The following DMRT3 variants were observed in gnomAD, a reference collection of about 807,000 sequenced individuals.
DMRT3 encodes the protein doublesex- and mab-3-related transcription factor 3.
Under a neutral mutation model 34.9 loss-of-function variants are expected in DMRT3, and 29 were observed. The ratio of observed to expected loss-of-function variants is 0.83; its 90% CI spans 0.62 to 1.13. DMRT3 has a LOEUF of 1.13. DMRT3 is among the 50% of genes most tolerant of loss of function. DMRT3 has a pLI of 0.00. For missense variants in DMRT3, 772 were observed against 629.1 expected (o/e 1.23, Z -2.43); for synonymous variants, 350 against 286.0 (o/e 1.22, Z -2.26).
In DMRT3 at chr9:990,740, TG is replaced by T. The variant is rs1820351229; in HGVS notation, c.1155del (p.Leu385PhefsTer11). 2 of 1,614,050 alleles carry T rather than the reference TG, an allele frequency of 1.2e-6. No individual in the cohort carries two copies. The highest frequency in any genetic ancestry group is 1.3e-5 in the African/African-American group (1 of 74,912). On this transcript the variant is annotated frameshift_variant, in exon 2 of 2. Coordinates refer to ENST00000190165, the MANE Select transcript of DMRT3 (RefSeq NM_021240.4). LOFTEE classifies it high-confidence loss of function. ...TLARSQSSPF[L>X]PNDVTLWNTM... is the part of the protein sequence containing the mutation. ...GCGAGAAGCCAGTCGAGCCCCTTTTTGCCCAATGATGTCACCCTGTGGAACA... is the reference window on the plus strand; with the variant it reads ...GCGAGAAGCCAGTCGAGCCCCTTTTTCCCAATGATGTCACCCTGTGGAACA...
Position 977,425 on chromosome 9 carries a change from G to T in DMRT3, c.424G>T (p.Gly142Trp). ...ALRWTAEPQP[G>W]ALQAQLAKPD... ...GCGTTGGACTGCCGAGCCGCAGCCC[G>T]GGGCTCTGCAGGCGCAGCTCGCCAA... Residue 142 changes from glycine to tryptophan, a missense_variant, in exon 1 of 2, where the codon GGG becomes TGG. Coordinates refer to ENST00000190165, the MANE Select transcript of DMRT3 (RefSeq NM_021240.4). 1.6e-6 allele frequency: 2 copies of T among 1,273,300 alleles called. No individual in the cohort carries two copies. The highest frequency in any genetic ancestry group is 2.9e-5 in the East Asian group (1 of 34,570). 78.9% of individuals were successfully genotyped at this position (1,273,300 alleles called of 1,614,324 possible). A position where few individuals can be genotyped will look rare whatever the true frequency, so the allele number is the denominator to read the frequency against.
intron 1 of DMRT3, among the ~76,000 whole-genome samples, chr9:984,817 C>G (rs1019358750): frequency 7.9e-5 from 12 of 152,032 alleles, no homozygotes; most frequent in African/African-American, 2.9e-4. Flanking sequence ...GGTAGACTTT[C>G]TCAAAGTATT....
intron 1 of DMRT3, among the ~76,000 whole-genome samples, chr9:981,598 A>T (rs1032119380): frequency 3.9e-5 from 6 of 152,150 alleles, no homozygotes; most frequent in Non-Finnish European, 1.5e-5. Context: ...GCTGCTGGGG[A>T]CCGGTCTTCC....
chr9:989,279 C>T (rs568479609), intron 1 of DMRT3, among the ~76,000 whole-genome samples: 22 of 152,334 alleles, frequency 1.4e-4, no homozygotes, highest in South Asian at 8.3e-4. Context: ...ATAATGCCCC[C>T]GTGCAATTTA....
At chr9:981,897 A>G (rs1820225582) in intron 1 of DMRT3, among the ~76,000 whole-genome samples, 1 of 152,122 alleles carries the variant, frequency 6.6e-6, no homozygotes, top group Non-Finnish European at 1.5e-5. Context: ...AGAGACAGCC[A>G]CATCCCTTGC....
chr9:977,239 A>C lies in DMRT3; in HGVS notation c.238A>C (p.Asn80His), dbSNP rs780611861. The C allele has an allele frequency of 4.4e-6, 7 of 1,598,658 alleles. No homozygotes were observed. Among genetic ancestry groups the C allele is most frequent in the Non-Finnish European group, 6.0e-6 (7 of 1,172,776 alleles). The change falls in exon 1 of 2, where the codon AAC becomes CAC. Residue 80 changes from asparagine (N) to histidine (H), a missense_variant. Asn to His is a moderately conservative substitution (Grantham distance 68). Coordinates refer to ENST00000190165, the MANE Select transcript of DMRT3 (RefSeq NM_021240.4). ...AQVALRRQQA[N>H]ESLESLIPDS... ...GGTGGCGCTGCGCCGGCAGCAGGCC[A>C]ACGAGAGCTTGGAGAGCCTCATCCC...
In DMRT3 at chr9:990,339, G is replaced by A. The variant is rs184249595; in HGVS notation, c.753G>A (p.Pro251=). 1.5e-4 allele frequency: 235 copies of A among 1,613,726 alleles called. No individual in the cohort carries two copies. The highest frequency in any genetic ancestry group is 1.6e-4 in the Middle Eastern group (1 of 6,062). Residue 251 remains proline, a synonymous_variant, in exon 2 of 2, where the codon CCG becomes CCA. Transcript: ENST00000190165. ...LPFSLKANRP[P]LEVLKKIFPN... is the part of the protein sequence containing the mutation. The stretch of plus-strand genomic sequence containing the variant: ...TCAGCTTGAAAGCCAACAGACCGCC[G>A]CTTGAAGTGTTAAAAAAGATATTCC...
At chr9:979,762 C>T (rs1820194687) in intron 1 of DMRT3, among the ~76,000 whole-genome samples, 1 of 152,198 alleles carries the variant, frequency 6.6e-6, no homozygotes, top group South Asian at 2.1e-4. Context: ...AAGAAAACTG[C>T]TCACTGAGAC....
At chr9:977,663 A>G (rs1038978708) in intron 1 of DMRT3, among the ~76,000 whole-genome samples, 5 of 152,088 alleles carry the variant, frequency 3.3e-5, no homozygotes, top group Non-Finnish European at 7.4e-5. Flanking sequence ...TCGCGCCCGC[A>G]GGGAAGGCGC....
chr9:979,276 A>C (rs1820187797), intron 1 of DMRT3, among the ~76,000 whole-genome samples: 1 of 152,232 alleles, frequency 6.6e-6, no homozygotes, highest in Non-Finnish European at 1.5e-5. Context: ...GGCAGGCAGG[A>C]AGGCAGAGTA....
At chr9:986,015 C>T (rs572970267) in intron 1 of DMRT3, among the ~76,000 whole-genome samples, 4 of 152,326 alleles carry the variant, frequency 2.6e-5, no homozygotes, top group Non-Finnish European at 4.4e-5. Context: ...TATAGCCAGA[C>T]GGCACAGAGA....
rs1046184553 is a variant in DMRT3, at chr9:976,799, G to A, written c.-203G>A. On this transcript the variant is annotated 5_prime_UTR_variant, in exon 1 of 2. Transcript: ENST00000190165. This position sits in a 1 kb window ranked among gnomAD's most constrained non-coding sequence, Gnocchi z 4.5. The stretch of plus-strand genomic sequence containing the variant: ...GGCGTTGGCTGGGCGTGAGCTGGGA[G>A]GCCGAGCTGTGAGCGCGAAGGGAGC... Among the ~76,000 whole-genome samples the A allele has an allele frequency of 9.2e-5, 14 of 152,184 alleles. No individual in the cohort carries two copies. Among genetic ancestry groups the A allele is most frequent in the African/African-American group, 3.4e-4 (14 of 41,456 alleles).
chr9:990,229 G>T lies in DMRT3; in HGVS notation c.643G>T (p.Glu215Ter). 6.2e-7 allele frequency: 1 copy of T among 1,614,008 alleles called. No homozygotes were observed. The highest frequency in any genetic ancestry group is 1.1e-5 in the South Asian group (1 of 91,048). The change falls in exon 2 of 2, where the codon GAG becomes TAG. Residue 215 changes from glutamate (E) to a stop codon, truncating the protein, a stop_gained. Transcript: ENST00000190165. LOFTEE classifies it high-confidence loss of function. ...YAVQKNGGNP[E>*]SRPDSPKCHA... ...TGTCCAGAAAAACGGAGGCAACCCC[G>T]AGAGCCGCCCTGACAGCCCCAAGTG...
chr9:990,516 T>C lies in DMRT3; in HGVS notation c.930T>C (p.Asn310=). 1 of 1,614,082 alleles carries C rather than the reference T, an allele frequency of 6.2e-7. No homozygotes were observed. Among genetic ancestry groups the C allele is most frequent in the Non-Finnish European group, 8.5e-7 (1 of 1,180,014 alleles). Residue 310 remains asparagine (N), a synonymous_variant, in exon 2 of 2, where the codon AAT becomes AAC. Coordinates refer to ENST00000190165, the MANE Select transcript of DMRT3 (RefSeq NM_021240.4). The part of the protein sequence containing the change: ...AEPESLALPS[N]GHIFEHTLSS... ...CTGAGAGTCTAGCGTTGCCCTCCAA[T>C]GGGCACATCTTTGAACACACCTTGA...
intron 1 of DMRT3, among the ~76,000 whole-genome samples, chr9:986,794 C>T (rs12351559): frequency 0.057 from 8,606 of 150,582 alleles, 799 homozygotes; most frequent in African/African-American, 0.2. Context: ...GGGAGGCTGA[C>T]GCGGGAGAAT....
chr9:979,578 A>T (rs1357758086), intron 1 of DMRT3, among the ~76,000 whole-genome samples: 2 of 152,022 alleles, frequency 1.3e-5, no homozygotes, highest in Non-Finnish European at 2.9e-5. Context: ...TTCTTCTTTC[A>T]CTTGCTGTGA....
chr9:977,612 CG>C, intron 1 of DMRT3, among the ~76,000 whole-genome samples, 157 bp downstream of exon 1: 1 of 151,294 alleles, frequency 6.6e-6, no homozygotes, highest in Admixed American at 6.6e-5. Context: ...CTTCCTCTCC[CG>C]GGAGAAGCCG....
In DMRT3 at chr9:990,637, C is replaced by T. The variant is rs748535774; in HGVS notation, c.1051C>T (p.Pro351Ser). 3 of 1,614,086 alleles carry T rather than the reference C, an allele frequency of 1.9e-6. No individual in the cohort carries two copies. Among genetic ancestry groups the T allele is most frequent in the South Asian group, 2.2e-5 (2 of 91,078 alleles). The change falls in exon 2 of 2, where the codon CCC becomes TCC. Residue 351 changes from proline (P) to serine (S), a missense_variant. Coordinates refer to ENST00000190165, the MANE Select transcript of DMRT3 (RefSeq NM_021240.4). ...RFSADSSNVV[P>S]SPLAGPLQPP... ...TTCTGCCGACTCTAGCAACGTTGTCCCCAGTCCCTTGGCTGGGCCTCTGCA... is the reference window on the plus strand; with the variant it reads ...TTCTGCCGACTCTAGCAACGTTGTCTCCAGTCCCTTGGCTGGGCCTCTGCA...
At chr9:977,590 G>A in intron 1 of DMRT3, 135 bp downstream of exon 1, 3 of 911,736 alleles carry the variant, frequency 3.3e-6, no homozygotes, top group Non-Finnish European at 2.8e-6. Flanking sequence ...CCTACTCTCC[G>A]CCAGGCCGGG....
Sources: gnomAD v4.1 joint callset for allele counts (sites outside exome capture counted in the v4.1 genomes callset) on GRCh38, gnomAD v4.1.1 for gene constraint, Gnocchi (gnomAD v3.1) non-coding constraint, MANE v1.5 for transcripts, NCBI Gene and HGNC (gene_info 2026-07-23, HGNC 2026-07-21) for gene names.